MMRN1: variants seen among roughly 807,000 people sequenced by gnomAD.
The protein encoded by MMRN1 is multimerin-1.
A neutral mutation model predicts 100.7 loss-of-function variants in MMRN1; 94 were observed. The observed-to-expected ratio is 0.93, with a 90% CI of 0.79 to 1.11. The LOEUF (loss-of-function observed/expected upper bound fraction) is 1.11. MMRN1 is among the 50% of genes least tolerant of loss of function. The pLI, the probability that MMRN1 is intolerant of heterozygous loss-of-function variation, is 0.00. For synonymous variants in MMRN1, 575 were observed against 505.0 expected (o/e 1.14, Z -1.86); for missense variants, 1,606 against 1,439.1 (o/e 1.12, Z -1.88).
At chr4:89,912,230 G>T (rs1017027973) in intron 3 of MMRN1, among the ~76,000 whole-genome samples, 180 bp downstream of exon 3, 2 of 151,160 alleles carry the variant, frequency 1.3e-5, no homozygotes, top group African/African-American at 4.8e-5. Context: ...AATCTCATAA[G>T]CTATTCTTTA....
At chr4:89,919,070 A>G (rs997028913) in intron 3 of MMRN1, among the ~76,000 whole-genome samples, 14 of 151,680 alleles carry the variant, frequency 9.2e-5, no homozygotes, top group Admixed American at 2.0e-4. Flanking sequence ...AAGCAGTATC[A>G]TAAAACTCAT....
intron 6 of MMRN1, among the ~76,000 whole-genome samples, chr4:89,943,496 G>A (rs1722896351): frequency 6.6e-6 from 1 of 152,150 alleles, no homozygotes; most frequent in African/African-American, 2.4e-5. Context: ...AGCTTAAAAT[G>A]TTGTGCTAAA....
intron 1 of MMRN1, among the ~76,000 whole-genome samples, chr4:89,889,186 G>T (rs1720998780): frequency 1.3e-5 from 2 of 152,066 alleles, no homozygotes; most frequent in African/African-American, 4.8e-5. Flanking sequence ...ATACTTTGAG[G>T]ACGTGATAAG....
chr4:89,925,085 G>T (rs977155567), intron 4 of MMRN1, among the ~76,000 whole-genome samples: 6 of 151,648 alleles, frequency 4.0e-5, no homozygotes, highest in Non-Finnish European at 7.4e-5. Context: ...TCACCACATT[G>T]TGCTATTAAA....
In MMRN1 at chr4:89,927,411, G is replaced by C. The variant is rs1722296453; in HGVS notation, c.956-384G>C. Reference sequence around the variant, plus strand: ...TGAGATTACTTTTTTTTCTTTCTCAGATTATTCACTGCTGGCATATAAAAA... The same window carrying C: ...TGAGATTACTTTTTTTTCTTTCTCACATTATTCACTGCTGGCATATAAAAA... On this transcript the variant is annotated intron_variant, in intron 4 of 7. Transcript: ENST00000264790. Among the ~76,000 whole-genome samples, 3 of 151,888 alleles carry C rather than the reference G, an allele frequency of 2.0e-5. No homozygotes were observed. In the South Asian group the frequency reaches 6.2e-4, roughly 32 times the overall value.
At chr4:89,892,649 C>A (rs762915226), upstream of MMRN1, among the ~76,000 whole-genome samples, 2 of 151,820 alleles carry the variant, frequency 1.3e-5, no homozygotes, top group East Asian at 1.9e-4. Context: ...GATACAGAAC[C>A]TTTAGCCTTT....
At chr4:89,909,165 T>C (rs1460066534) in intron 1 of MMRN1, 111 bp from the exon 2 acceptor site, 1 of 1,123,648 alleles carries the variant, frequency 8.9e-7, no homozygotes, top group Non-Finnish European at 1.3e-6. Context: ...TCTTACAAGG[T>C]TTCTGATCTA....
At position 89,923,204 on chromosome 4, in the gene MMRN1, C is replaced by G; in HGVS notation, c.887C>G (p.Ala296Gly). ...CAAAGTTTGATACACACCAACCAGG[C>G]TGAAAGTCATACAGCTGTTGGCAGA... ...EQQSLIHTNQ[A>G]ESHTAVGRGV... Residue 296 changes from alanine to glycine, a missense_variant, in exon 4 of 8, where the codon GCT becomes GGT. Transcript: ENST00000264790. The G allele has an allele frequency of 3.7e-6, 6 of 1,613,988 alleles. No homozygotes were observed. Among genetic ancestry groups the G allele is most frequent in the Non-Finnish European group, 4.2e-6 (5 of 1,179,856 alleles).
At chr4:89,947,070 T>A (rs753887666) in intron 6 of MMRN1, among the ~76,000 whole-genome samples, 1 of 151,986 alleles carries the variant, frequency 6.6e-6, no homozygotes, top group Non-Finnish European at 1.5e-5. Context: ...TCACCTGAGG[T>A]TGGAAGTTTG....
chr4:89,948,977 A>T (rs1723075323), intron 6 of MMRN1, among the ~76,000 whole-genome samples: 1 of 152,170 alleles, frequency 6.6e-6, no homozygotes, highest in Non-Finnish European at 1.5e-5. Flanking sequence ...CCTACTCCAG[A>T]TGAATGACCC....
chr4:89,917,556 T>A (rs372390254), intron 3 of MMRN1, among the ~76,000 whole-genome samples: 5 of 151,970 alleles, frequency 3.3e-5, no homozygotes, highest in Admixed American at 2.0e-4. Flanking sequence ...ACAGACCAAG[T>A]AATATACATC....
rs1165975111 is a variant in MMRN1, at chr4:89,932,008, T to A, written c.1130-2802T>A. ...ACTCAAGAGTCCACAGTCTGAAATC[T>A]CATCTGAGACAAGGCAAGTCCCTTC... On this transcript the variant is annotated intron_variant, in intron 5 of 7. Transcript: ENST00000264790. 2.6e-5 allele frequency among the ~76,000 whole-genome samples: 4 copies of A among 152,224 alleles called. No homozygotes were observed. The South Asian group carries it at 6.2e-4, about 24-fold the overall frequency.
At chr4:89,892,703 G>T (rs17806125), upstream of MMRN1, among the ~76,000 whole-genome samples, 1,906 of 151,986 alleles carry the variant, frequency 0.013, 22 homozygotes, top group Non-Finnish European at 0.019. Flanking sequence ...GTGAGCAAAA[G>T]TCATTATTGG....
intron 2 of MMRN1, among the ~76,000 whole-genome samples, chr4:89,910,571 G>A (rs961170931): frequency 1.3e-5 from 2 of 151,300 alleles, no homozygotes; most frequent in Non-Finnish European, 3.0e-5. Flanking sequence ...GCCAAAGCAG[G>A]AACATTGACC....
chr4:89,896,309 T>G (rs886665887), intron 1 of MMRN1, among the ~76,000 whole-genome samples: 1 of 152,208 alleles, frequency 6.6e-6, no homozygotes, highest in African/African-American at 2.4e-5. Context: ...GTTGCCATCA[T>G]GAATATGATG....
rs550991719 is a variant in MMRN1 at position 89,901,377 on chromosome 4, A to G, written c.623+5783A>G. On this transcript the variant is annotated intron_variant, in intron 1 of 7. Coordinates refer to ENST00000264790, the MANE Select transcript of MMRN1 (RefSeq NM_007351.3). ...ACAAATTAGAAAATTAGAAATTATT[A>G]TTTCTGAGTTTAATGACAAATTAGA... Among the ~76,000 whole-genome samples the G allele has an allele frequency of 3.3e-3, 495 of 151,726 alleles. 5 individuals carry two copies. Among genetic ancestry groups the G allele is most frequent in the African/African-American group, 0.012 (475 of 41,116 alleles).
chr4:89,909,168 C>T (rs1159847050), intron 1 of MMRN1, 108 bp from the exon 2 acceptor site: 3 of 1,167,874 alleles, frequency 2.6e-6, no homozygotes, highest in Non-Finnish European at 3.6e-6. Context: ...TACAAGGTTT[C>T]TGATCTATAG....
At chr4:89,918,720 G>A (rs1721997062) in intron 3 of MMRN1, among the ~76,000 whole-genome samples, 1 of 151,762 alleles carries the variant, frequency 6.6e-6, no homozygotes, top group Non-Finnish European at 1.5e-5. Context: ...AAAAGCAGAA[G>A]TCTATCTAAA....
chr4:89,909,452 G>C, intron 2 of MMRN1, 57 bp downstream of exon 2: 1 of 1,577,068 alleles, frequency 6.3e-7, no homozygotes. Flanking sequence ...AATTATAGCC[G>C]GGAATATATA....
Sources: gnomAD v4.1 joint callset for allele counts (sites outside exome capture counted in the v4.1 genomes callset) on GRCh38, gnomAD v4.1.1 for gene constraint, MANE v1.5 for transcripts, NCBI Gene and HGNC (gene_info 2026-07-23, HGNC 2026-07-21) for gene names.